Variants in KIAA1549L observed in about 807,000 individuals in gnomAD.
KIAA1549L encodes the protein KIAA1549 like, also known as UPF0606 protein KIAA1549L.
Under a neutral mutation model 160.7 loss-of-function variants are expected in KIAA1549L, and 88 were observed. The ratio of observed to expected loss-of-function variants is 0.55; its 90% CI spans 0.46 to 0.65. The LOEUF (loss-of-function observed/expected upper bound fraction) is 0.65. Among genes scored for constraint, KIAA1549L ranks in the 30% least tolerant of loss-of-function variants. The pLI is 0.00. For missense variants in KIAA1549L, 2,258 were observed against 2,437.5 expected (o/e 0.93, Z 1.55); for synonymous variants, 950 against 976.7 (o/e 0.97, Z 0.51).
At position 33,575,963 on chromosome 11, in the gene KIAA1549L, A is replaced by G. The variant is rs112532739; in HGVS notation, c.4402+1090A>G. On this transcript the variant is annotated intron_variant, in intron 10 of 20. Coordinates refer to ENST00000658780, the MANE Select transcript of KIAA1549L (RefSeq NM_012194.3). ...GAACTGCCCATTTTTAGGAAGCTTA[A>G]TTGGTCAGCAGTGTCTAGGATGGGA... Among the ~76,000 whole-genome samples, 211 of 152,244 alleles carry G rather than the reference A, an allele frequency of 1.4e-3. 2 individuals carry two copies. In the South Asian group the frequency reaches 0.024, roughly 17 times the overall value.
At chr11:33,500,992 A>G (rs539066049) in intron 1 of KIAA1549L, among the ~76,000 whole-genome samples, 1 of 152,064 alleles carries the variant, frequency 6.6e-6, no homozygotes, top group African/African-American at 2.4e-5. Flanking sequence ...AGTAGAGACA[A>G]ATTTCCAAAA....
chr11:33,518,562 C>G (rs912639719), intron 1 of KIAA1549L, among the ~76,000 whole-genome samples: 5 of 152,172 alleles, frequency 3.3e-5, no homozygotes, highest in Non-Finnish European at 7.3e-5. Context: ...AAAGTTGGCT[C>G]TGGCTTTGTC....
At chr11:33,402,679 G>A (rs926861341) in intron 1 of KIAA1549L, among the ~76,000 whole-genome samples, 1 of 152,200 alleles carries the variant, frequency 6.6e-6, no homozygotes, top group East Asian at 1.9e-4. Context: ...CAGGTTTCTG[G>A]CTTATCTTTG....
chr11:33,641,572 G>GTA (rs10523183), intron 16 of KIAA1549L, among the ~76,000 whole-genome samples: 80 of 96,686 alleles, frequency 8.3e-4, no homozygotes, highest in Non-Finnish European at 1.4e-3. Context: ...TAATGGATCT[G>GTA]TATATATATA....
chr11:33,436,399 A>G (rs888922071), intron 1 of KIAA1549L, among the ~76,000 whole-genome samples: 2 of 152,314 alleles, frequency 1.3e-5, no homozygotes, highest in East Asian at 3.9e-4. Flanking sequence ...TCCCAGCTTG[A>G]AGGCAGTCAG....
intron 1 of KIAA1549L, among the ~76,000 whole-genome samples, chr11:33,397,580 C>T (rs1850404473): frequency 6.6e-6 from 1 of 151,450 alleles, no homozygotes; most frequent in African/African-American, 2.4e-5. Flanking sequence ...GACGTGGTGG[C>T]GGGCGCCTGT....
At chr11:33,580,840 C>G (rs1276453335) in intron 10 of KIAA1549L, among the ~76,000 whole-genome samples, 1 of 152,054 alleles carries the variant, frequency 6.6e-6, no homozygotes. Flanking sequence ...CTAATTAGTG[C>G]TATGGAGAAA....
At chr11:33,664,152 G>T (rs1256807489) in intron 20 of KIAA1549L, among the ~76,000 whole-genome samples, 1 of 152,186 alleles carries the variant, frequency 6.6e-6, no homozygotes, top group Non-Finnish European at 1.5e-5. Flanking sequence ...GCTGGGTCTT[G>T]TGGGGAAATC....
At chr11:33,387,810 C>G (rs1850202345) in intron 1 of KIAA1549L, among the ~76,000 whole-genome samples, 1 of 152,148 alleles carries the variant, frequency 6.6e-6, no homozygotes, top group African/African-American at 2.4e-5. Context: ...CCCCCATCCC[C>G]CGTCTGTGTC....
intron 1 of KIAA1549L, among the ~76,000 whole-genome samples, chr11:33,395,850 C>T (rs1252972188): frequency 6.6e-6 from 1 of 152,024 alleles, no homozygotes; most frequent in Non-Finnish European, 1.5e-5. Context: ...TCAAAGTCAC[C>T]TTGACATCTT....
intron 16 of KIAA1549L, among the ~76,000 whole-genome samples, chr11:33,624,665 A>G (rs1205984668): frequency 6.6e-6 from 1 of 151,360 alleles, no homozygotes; most frequent in Non-Finnish European, 1.5e-5. Flanking sequence ...CTTTTTCCCT[A>G]TTACCTTATA....
At chr11:33,636,887 C>T (rs371611778) in intron 16 of KIAA1549L, among the ~76,000 whole-genome samples, 17 of 152,272 alleles carry the variant, frequency 1.1e-4, no homozygotes, top group African/African-American at 7.2e-5. Context: ...TGGCAACAAA[C>T]ACCCACACAC....
chr11:33,546,803 A>G (rs1854280242), intron 3 of KIAA1549L, among the ~76,000 whole-genome samples: 1 of 152,236 alleles, frequency 6.6e-6, no homozygotes, highest in South Asian at 2.1e-4. Flanking sequence ...TATGTCAACT[A>G]TGAATTGTCC....
intron 15 of KIAA1549L, among the ~76,000 whole-genome samples, chr11:33,613,132 G>C (rs1212515379): frequency 6.6e-6 from 1 of 152,140 alleles, no homozygotes; most frequent in Non-Finnish European, 1.5e-5. Context: ...TAATGGAATT[G>C]CTGGCTCAAA....
intron 1 of KIAA1549L, among the ~76,000 whole-genome samples, chr11:33,419,893 CATACATACATACATATATATAT>C (rs1452437325): frequency 2.7e-5 from 3 of 110,516 alleles, no homozygotes; most frequent in South Asian, 3.5e-4. Flanking sequence ...TACATACATA[CATACATACATACATATATATAT>C]ATGAATAGCT....
At chr11:33,553,301 G>A (rs556843589) in intron 6 of KIAA1549L, among the ~76,000 whole-genome samples, 470 of 75,570 alleles carry the variant, frequency 6.2e-3, no homozygotes, top group Admixed American at 8.8e-3. Flanking sequence ...CACCTGGTGC[G>A]CTGTATTTTT....
At chr11:33,573,307 T>C (rs996103406) in intron 9 of KIAA1549L, among the ~76,000 whole-genome samples, 15 of 152,160 alleles carry the variant, frequency 9.9e-5, no homozygotes, top group Non-Finnish European at 1.8e-4. Flanking sequence ...CTCTTCAGAG[T>C]TTAGAGTGAA....
intron 1 of KIAA1549L, among the ~76,000 whole-genome samples, chr11:33,455,633 C>T (rs938083268): frequency 6.6e-6 from 1 of 152,124 alleles, no homozygotes; most frequent in Admixed American, 6.5e-5. Context: ...TGAATGATTT[C>T]CTGGGTATAA....
At chr11:33,617,728 G>A (rs1233887794) in intron 15 of KIAA1549L, among the ~76,000 whole-genome samples, 3 of 152,282 alleles carry the variant, frequency 2.0e-5, no homozygotes, top group South Asian at 2.1e-4. Flanking sequence ...CACTGTGGAT[G>A]TTCATCATCT....
Sources: allele counts gnomAD v4.1 joint callset (sites outside exome capture counted in the v4.1 genomes callset), GRCh38; gene constraint gnomAD v4.1.1; transcripts MANE v1.5; gene names NCBI Gene and HGNC (gene_info 2026-07-23, HGNC 2026-07-21).